The following ANKFN1 variants were observed in gnomAD, a reference collection of about 807,000 sequenced individuals.
ANKFN1 encodes ankyrin repeat and fibronectin type III domain containing 1, also known as ankyrin repeat and fibronectin type-III domain-containing protein 1.
Under a neutral mutation model 108.7 loss-of-function variants are expected in ANKFN1, and 74 were observed. That is an observed-to-expected ratio of 0.68 (90% confidence interval 0.56 to 0.83). ANKFN1 has a LOEUF of 0.83. Ranked by LOEUF, ANKFN1 falls within the 40% of genes least tolerant of loss-of-function variation. The pLI, the probability that ANKFN1 is intolerant of heterozygous loss-of-function variation, is 0.00. For synonymous variants in ANKFN1, 547 were observed against 516.2 expected, an observed-to-expected ratio of 1.06 and a Z score of -0.81; for missense variants, 1,505 against 1,382.3, an observed-to-expected ratio of 1.09 and a Z score of -1.41.
chr17:56,482,975 T>C (rs981484048), intron 18 of ANKFN1, among the ~76,000 whole-genome samples: 17 of 151,742 alleles, frequency 1.1e-4, no homozygotes, highest in African/African-American at 3.9e-4. Context: ...AAAAAAATAA[T>C]AATGAAATTT....
intron 3 of ANKFN1, among the ~76,000 whole-genome samples, chr17:56,264,246 A>G (rs2043593590): frequency 6.6e-6 from 1 of 152,178 alleles, no homozygotes; most frequent in Non-Finnish European, 1.5e-5. Flanking sequence ...GAGCTATGTA[A>G]CTTACTCATA....
At chr17:56,423,650 C>G (rs1434069211) in intron 8 of ANKFN1, among the ~76,000 whole-genome samples, 1 of 152,092 alleles carries the variant, frequency 6.6e-6, no homozygotes, top group African/African-American at 2.4e-5. Context: ...CCTGGAATGC[C>G]CCAAGATTGA....
chr17:56,174,532 C>G (rs1028859312), intron 1 of ANKFN1: 2 of 525,892 alleles, frequency 3.8e-6, no homozygotes, highest in Non-Finnish European at 4.9e-6. Context: ...AGCCTCTCCC[C>G]CTTCTCACCA....
chr17:56,099,286 ATTTTCTGGCT>A (rs1426086539), intron 4 of ANKFN1, among the ~76,000 whole-genome samples: 1 of 152,188 alleles, frequency 6.6e-6, no homozygotes, highest in Non-Finnish European at 1.5e-5. Context: ...TCGATGCTTA[ATTTTCTGGCT>A]TTATTCCTTC....
At chr17:56,395,095 T>A (rs763374) in intron 8 of ANKFN1, among the ~76,000 whole-genome samples, 1 of 151,932 alleles carries the variant, frequency 6.6e-6, no homozygotes, top group African/African-American at 2.4e-5. Context: ...ATTTTTCCAA[T>A]TATAAAAATA....
chr17:56,339,184 C>G (rs2045896360), intron 4 of ANKFN1, among the ~76,000 whole-genome samples: 1 of 151,460 alleles, frequency 6.6e-6, no homozygotes, highest in Admixed American at 6.6e-5. Context: ...TATTTCATTT[C>G]CATTTCATTG....
intron 10 of ANKFN1, among the ~76,000 whole-genome samples, chr17:56,445,046 T>G (rs1363381165): frequency 1.3e-5 from 2 of 152,200 alleles, no homozygotes; most frequent in Admixed American, 1.3e-4. Context: ...TCTAGACTTA[T>G]TTGGACTAGG....
rs138182821 is a variant in ANKFN1, at chr17:56,295,543, G to A, written c.54-30678G>A. 2.6e-5 allele frequency among the ~76,000 whole-genome samples: 4 copies of A among 152,214 alleles called. No individual in the cohort carries two copies. The East Asian group carries it at 7.7e-4, about 29-fold the overall frequency. On this transcript the variant is annotated intron_variant, in intron 3 of 20. Transcript: ENST00000682825. The stretch of plus-strand genomic sequence containing the variant: ...ATGATTCCAATGCACACTGATACAT[G>A]AAAACCACTATTCTACTCTTCATTA...
chr17:56,170,797 T>TACAC (rs1388858057), intron 1 of ANKFN1, among the ~76,000 whole-genome samples: 2 of 62,668 alleles, frequency 3.2e-5, no homozygotes, highest in Non-Finnish European at 7.5e-5. Context: ...TATATATATA[T>TACAC]ATATATATAT....
intron 15 of ANKFN1, chr17:56,471,818 ATATGC>A (rs1335149004): frequency 1.3e-5 from 2 of 152,258 alleles, no homozygotes; most frequent in Non-Finnish European, 2.9e-5. Flanking sequence ...GATTCCACTT[ATATGC>A]TATGCCCAGA....
At chr17:56,504,192 C>T (rs545124354) in intron 20 of ANKFN1, among the ~76,000 whole-genome samples, 2 of 152,234 alleles carry the variant, frequency 1.3e-5, no homozygotes, top group Non-Finnish European at 2.9e-5. Context: ...ATTCCCACTA[C>T]AGCAGTGTTT....
intron 4 of ANKFN1, among the ~76,000 whole-genome samples, chr17:56,329,548 T>G (rs2045607559): frequency 6.6e-6 from 1 of 152,142 alleles, no homozygotes; most frequent in African/African-American, 2.4e-5. Context: ...TTGAGAAAAG[T>G]GTTTAGAGGT....
chr17:56,403,638 A>G (rs1416692974), intron 8 of ANKFN1, among the ~76,000 whole-genome samples: 2 of 152,202 alleles, frequency 1.3e-5, no homozygotes, highest in Non-Finnish European at 2.9e-5. Flanking sequence ...CATTTAGGCC[A>G]TTTACATTCA....
chr17:56,163,838 T>C (rs1010603127), intron 1 of ANKFN1, among the ~76,000 whole-genome samples: 1 of 152,204 alleles, frequency 6.6e-6, no homozygotes, highest in Non-Finnish European at 1.5e-5. Flanking sequence ...GCTACATGAC[T>C]GAAGGTGCCA....
At chr17:56,106,243 C>A (rs1727489876) in intron 4 of ANKFN1, among the ~76,000 whole-genome samples, 1 of 152,160 alleles carries the variant, frequency 6.6e-6, no homozygotes, top group Admixed American at 6.5e-5. Flanking sequence ...ACCTGGGTTC[C>A]AATAACCTCT....
chr17:56,511,353 A>T lies in ANKFN1; in HGVS notation c.*84A>T. The T allele has an allele frequency of 7.8e-7, 1 of 1,286,122 alleles. No homozygotes were observed. The highest frequency in any genetic ancestry group is 2.5e-5 in the East Asian group (1 of 39,226). 79.7% of individuals were successfully genotyped at this position (1,286,122 alleles called of 1,614,324 possible). ...TTACCCCCATCCTGCCCCACTGTGT[A>T]CCCACTCATTTTCAAGCGTTTTGAA... On this transcript the variant is annotated 3_prime_UTR_variant, in exon 21 of 21. Transcript: ENST00000682825.
At chr17:56,442,600 G>A (rs951084522) in intron 9 of ANKFN1, among the ~76,000 whole-genome samples, 1 of 152,090 alleles carries the variant, frequency 6.6e-6, no homozygotes, top group African/African-American at 2.4e-5. Context: ...AGAAGAAAGT[G>A]CATAGAAACT....
At chr17:56,291,149 T>C (rs914647571) in intron 3 of ANKFN1, among the ~76,000 whole-genome samples, 2 of 152,190 alleles carry the variant, frequency 1.3e-5, no homozygotes, top group African/African-American at 4.8e-5. Context: ...CTGTCAGTAA[T>C]TTCTGAGGGG....
At chr17:56,286,870 T>C (rs2044232066) in intron 3 of ANKFN1, among the ~76,000 whole-genome samples, 1 of 152,122 alleles carries the variant, frequency 6.6e-6, no homozygotes, top group Non-Finnish European at 1.5e-5. Context: ...TATATGTGTA[T>C]ATATGTATAT....
Sources: gnomAD v4.1 joint callset for allele counts (sites outside exome capture counted in the v4.1 genomes callset) on GRCh38, gnomAD v4.1.1 for gene constraint, MANE v1.5 for transcripts, NCBI Gene and HGNC (gene_info 2026-07-23, HGNC 2026-07-21) for gene names.